DMD: variants seen among roughly 807,000 people sequenced by gnomAD.
DMD encodes mutant dystrophin.
DMD carries 63 observed loss-of-function variants against 330.1 expected under a neutral mutation model. The ratio of observed to expected loss-of-function variants is 0.19; its 90% confidence interval spans 0.16 to 0.24. The LOEUF is 0.24. Among genes scored for constraint, DMD ranks in the 10% least tolerant of loss-of-function variants. The pLI is 1.00. For missense variants in DMD, 3,344 were observed against 2,684.1 expected, an observed-to-expected ratio of 1.25 and a Z score of -5.43; for synonymous variants, 1,223 against 959.8, an observed-to-expected ratio of 1.27 and a Z score of -5.07.
Position 32,390,041 on chromosome X carries a change from A to T in DMD, c.4344+30T>A, listed in dbSNP as rs767892952. The T allele has an allele frequency of 2.7e-6, 3 of 1,122,148 alleles. No homozygotes were observed. In the Admixed American group the frequency reaches 6.5e-5, roughly 24 times the overall value. 92.5% of individuals were successfully genotyped at this position (1,122,148 alleles called of 1,213,427 possible). A position where few individuals can be genotyped will look rare whatever the true frequency, so the allele number is the denominator to read the frequency against. ...CTGGAGTATAATGCCCAACGAAAACACGTTCCTTAGTTTCTGAAATAACAT... is the reference window on the plus strand; with the variant it reads ...CTGGAGTATAATGCCCAACGAAAACTCGTTCCTTAGTTTCTGAAATAACAT... On this transcript the variant is annotated intron_variant, in intron 31 of 78. Transcript: ENST00000357033.
In DMD at chrX:33,057,063, A is replaced by T. The variant is rs758113706; in HGVS notation, c.32-36863T>A. ...GTACATATTGATCAAATTAGAGATG[A>T]TTTTTTTTTTCACAGCTCAGTGATG... On this transcript the variant is annotated intron_variant, in intron 1 of 78. Transcript: ENST00000357033. 2.4e-3 allele frequency among the ~76,000 whole-genome samples: 259 copies of T among 108,809 alleles called. 5 individuals are homozygous for T. The highest frequency in any genetic ancestry group is 9.6e-3 in the Middle Eastern group (2 of 208). The allele number at this position is 108,809 out of a possible 115,157, so 94.5% of individuals were successfully genotyped here. A position where few individuals can be genotyped will look rare whatever the true frequency, so the allele number is the denominator to read the frequency against.
At chrX:31,186,153 T>C (rs1465061874) in intron 67 of DMD, among the ~76,000 whole-genome samples, 1 of 112,077 alleles carries the variant, frequency 8.9e-6, no homozygotes, top group African/African-American at 3.2e-5. Context: ...AGCAACACTA[T>C]AATAAACTGT....
At chrX:32,676,768 T>C (rs2061999368) in intron 9 of DMD, among the ~76,000 whole-genome samples, 1 of 111,667 alleles carries the variant, frequency 9.0e-6, no homozygotes, top group African/African-American at 3.2e-5. Flanking sequence ...CACATATGTA[T>C]TGAGGTATGA....
intron 13 of DMD, among the ~76,000 whole-genome samples, chrX:32,575,356 A>T (rs945868756): frequency 3.6e-5 from 4 of 112,565 alleles, no homozygotes; most frequent in African/African-American, 1.3e-4. Flanking sequence ...CTCAATCATA[A>T]GTGAGTTTTC....
chrX:32,666,475 G>A (rs1468889768), intron 9 of DMD, among the ~76,000 whole-genome samples: 1 of 110,768 alleles, frequency 9.0e-6, no homozygotes, highest in Non-Finnish European at 1.9e-5. Context: ...TTCTGTTCCT[G>A]GGTTAGTTTG....
intron 44 of DMD, among the ~76,000 whole-genome samples, chrX:32,067,291 T>C (rs1214099497): frequency 1.8e-5 from 2 of 111,598 alleles, no homozygotes; most frequent in African/African-American, 3.2e-5. Flanking sequence ...ATTCACCCAA[T>C]TTTTATTTTT....
chrX:32,793,384 GA>G (rs1239988013), intron 7 of DMD, among the ~76,000 whole-genome samples: 13 of 104,059 alleles, frequency 1.2e-4, no homozygotes, highest in Non-Finnish European at 2.4e-4. Context: ...GCTAGTCAAA[GA>G]AAAAAAAACA....
chrX:31,834,864 A>G (rs78150963), intron 49 of DMD, among the ~76,000 whole-genome samples: 2 of 106,296 alleles, frequency 1.9e-5, no homozygotes, highest in East Asian at 5.9e-4. Flanking sequence ...AGGGAAGGAG[A>G]AAAAAAAAAA....
At position 32,178,244 on chromosome X, in the gene DMD, A is replaced by T. The variant is rs190168889; in HGVS notation, c.6438+38672T>A. On this transcript the variant is annotated intron_variant, in intron 44 of 78. Coordinates refer to ENST00000357033, the MANE Select transcript of DMD (RefSeq NM_004006.3). ...TGTCAATAAACTACTTTTCATGTACACTAGAAATGATAGTGTGAAATATAT... is the reference window on the plus strand; with the variant it reads ...TGTCAATAAACTACTTTTCATGTACTCTAGAAATGATAGTGTGAAATATAT... Among the ~76,000 whole-genome samples, 23 of 109,186 alleles carry T rather than the reference A, an allele frequency of 2.1e-4. No homozygotes were observed. The East Asian group carries it at 5.7e-3, about 27-fold the overall frequency. The allele number at this position is 109,186 out of a possible 115,157, so 94.8% of individuals were successfully genotyped here.
intron 43 of DMD, among the ~76,000 whole-genome samples, chrX:32,252,596 ATAT>A (rs2097268003): frequency 2.4e-5 from 1 of 41,424 alleles, no homozygotes; most frequent in East Asian, 2.0e-3. Context: ...ATATATATAT[ATAT>A]AAACATATAT....
At position 32,043,649 on chromosome X, in the gene DMD, C is replaced by G. The variant is rs188303417; in HGVS notation, c.6439-75135G>C. Among the ~76,000 whole-genome samples the G allele has an allele frequency of 4.9e-3, 545 of 111,603 alleles. 1 individual carries two copies. The highest frequency in any genetic ancestry group is 7.5e-3 in the Admixed American group (79 of 10,533). On this transcript the variant is annotated intron_variant, in intron 44 of 78. Transcript: ENST00000357033. ...ATATACACTGAAATATCTATCAAAACAAGCCTATGAGAGACGATTATTAGA... is the reference window on the plus strand; with the variant it reads ...ATATACACTGAAATATCTATCAAAAGAAGCCTATGAGAGACGATTATTAGA...
intron 77 of DMD, among the ~76,000 whole-genome samples, chrX:31,129,172 G>A (rs2034153844): frequency 9.0e-6 from 1 of 111,098 alleles, no homozygotes; most frequent in African/African-American, 3.3e-5. Flanking sequence ...ATTATTGATT[G>A]TAATTCATTA....
rs765610745 is a variant in DMD at position 32,409,883 on chromosome X, A to G, written c.4233+1869T>C. Among the ~76,000 whole-genome samples the G allele has an allele frequency of 4.5e-5, 5 of 111,621 alleles. No individual in the cohort carries two copies. The Admixed American group carries it at 4.8e-4, about 11-fold the overall frequency. The stretch of plus-strand genomic sequence containing the variant: ...ATTACTCATTCCTATCATGCATTTT[A>G]CTAAACCCTGCCGTGGTAGACACAC... On this transcript the variant is annotated intron_variant, in intron 30 of 78. Coordinates refer to ENST00000357033, the MANE Select transcript of DMD (RefSeq NM_004006.3).
intron 9 of DMD, among the ~76,000 whole-genome samples, chrX:32,665,589 A>C (rs1198596383): frequency 8.9e-6 from 1 of 112,141 alleles, no homozygotes; most frequent in Non-Finnish European, 1.9e-5. Flanking sequence ...AATGGATATA[A>C]AGAATAAAAG....
intron 44 of DMD, among the ~76,000 whole-genome samples, chrX:32,213,122 C>T (rs949608758): frequency 3.6e-5 from 4 of 112,104 alleles, no homozygotes; most frequent in Non-Finnish European, 7.5e-5. Context: ...GAAAATTGTA[C>T]ATATGAGGCT....
intron 1 of DMD, among the ~76,000 whole-genome samples, chrX:33,061,244 T>C (rs1013442022): frequency 2.7e-5 from 3 of 112,614 alleles, no homozygotes; most frequent in Non-Finnish European, 5.6e-5. Flanking sequence ...TTGAAAGTTA[T>C]TTTGCTCAGG....
rs749610367 is a variant in DMD, at chrX:32,068,374, ATTTTTTT to A, written c.6439-99867_6439-99861del. ...TTATTTTAGTAAGTCCTTGCTTGTC[ATTTTTTT>A]TTTTTTTTTTTTTTTGCAATTGCTT... On this transcript the variant is annotated intron_variant, in intron 44 of 78. Coordinates refer to ENST00000357033, the MANE Select transcript of DMD (RefSeq NM_004006.3). 6.5e-3 allele frequency among the ~76,000 whole-genome samples: 415 copies of A among 64,300 alleles called. 3 individuals carry two copies. Among genetic ancestry groups the A allele is most frequent in the African/African-American group, 0.021 (361 of 17,580 alleles). 55.8% of individuals were successfully genotyped at this position (64,300 alleles called of 115,157 possible).
intron 44 of DMD, among the ~76,000 whole-genome samples, chrX:32,122,686 A>T (rs1159959555): frequency 9.0e-6 from 1 of 111,404 alleles, no homozygotes; most frequent in Non-Finnish European, 1.9e-5. Flanking sequence ...GAACTGACAC[A>T]TTCCTCTCTA....
At chrX:32,232,236 G>A (rs1167594631) in intron 43 of DMD, among the ~76,000 whole-genome samples, 2 of 111,468 alleles carry the variant, frequency 1.8e-5, no homozygotes, top group African/African-American at 3.3e-5. Flanking sequence ...AGAGGGAACG[G>A]GTCCAAAATA....
Sources: allele counts gnomAD v4.1 joint callset (sites outside exome capture counted in the v4.1 genomes callset), GRCh38; gene constraint gnomAD v4.1.1; transcripts MANE v1.5; gene names NCBI Gene and HGNC (gene_info 2026-07-23, HGNC 2026-07-21).